The following SNX18 variants were observed in gnomAD, a reference collection of about 807,000 sequenced individuals.
The protein encoded by SNX18 is sorting nexin 18.
SNX18 carries 35 observed loss-of-function variants against 48.7 expected under a neutral mutation model. That is an observed-to-expected ratio of 0.72 (90% confidence interval 0.55 to 0.95). The LOEUF (loss-of-function observed/expected upper bound fraction) is 0.95, where lower values mean the gene tolerates loss of function less well. SNX18 is among the 40% of genes least tolerant of loss of function. SNX18 has a pLI of 0.00. For missense variants in SNX18, 824 were observed against 871.0 expected (o/e 0.95, Z 0.68); for synonymous variants, 492 against 384.7 (o/e 1.28, Z -3.26).
chr5:54,585,633 G>A, the SNX18 span, among the ~76,000 whole-genome samples: 1 of 152,108 alleles, frequency 6.6e-6, no homozygotes, highest in Non-Finnish European at 1.5e-5. Flanking sequence ...AAATTGTACA[G>A]TAAGGTGGTG....
chr5:54,523,066 A>G (rs932828722), intron 1 of SNX18, among the ~76,000 whole-genome samples: 7 of 152,202 alleles, frequency 4.6e-5, no homozygotes, highest in African/African-American at 1.4e-4. Context: ...TTGACCTAAT[A>G]GGAGTCCTTT....
chr5:54,591,204 C>T, the SNX18 span, among the ~76,000 whole-genome samples: 2 of 151,528 alleles, frequency 1.3e-5, no homozygotes, highest in East Asian at 1.9e-4. Context: ...TTTTGAGACA[C>T]GCTTTTGTTC....
chr5:54,540,269 G>A (rs1449146642), intron 1 of SNX18, among the ~76,000 whole-genome samples: 1 of 151,766 alleles, frequency 6.6e-6, no homozygotes, highest in African/African-American at 2.4e-5. Flanking sequence ...GGCTGGAGGT[G>A]CAGTGCTGTG....
At chr5:54,578,216 C>T in the SNX18 span, among the ~76,000 whole-genome samples, 2 of 152,228 alleles carry the variant, frequency 1.3e-5, no homozygotes, top group Admixed American at 1.3e-4. Flanking sequence ...CCACTTACAA[C>T]GTGATCCATC....
downstream of SNX18, among the ~76,000 whole-genome samples, chr5:54,551,367 CA>C (rs2111641406): frequency 6.6e-6 from 1 of 152,276 alleles, no homozygotes; most frequent in Non-Finnish European, 1.5e-5. Flanking sequence ...TCTTCTGAAC[CA>C]AAAATCCTTC....
the SNX18 span, among the ~76,000 whole-genome samples, chr5:54,615,315 A>G: frequency 6.6e-6 from 1 of 152,174 alleles, no homozygotes; most frequent in Non-Finnish European, 1.5e-5. Context: ...CTCCTCTCTC[A>G]CATGCCTGTA....
chr5:54,625,772 C>A, the SNX18 span, among the ~76,000 whole-genome samples: 8 of 152,228 alleles, frequency 5.3e-5, no homozygotes, highest in South Asian at 1.7e-3. Flanking sequence ...CAGTCATTGG[C>A]TCATGGATAG....
chr5:54,541,077 G>C (rs1033551039), intron 1 of SNX18, among the ~76,000 whole-genome samples: 13 of 151,788 alleles, frequency 8.6e-5, no homozygotes, highest in African/African-American at 3.1e-4. Context: ...GCCCAGGCTG[G>C]AGTACGGTGG....
the SNX18 span, among the ~76,000 whole-genome samples, chr5:54,597,565 T>G: frequency 6.6e-6 from 1 of 152,078 alleles, no homozygotes; most frequent in African/African-American, 2.4e-5. Flanking sequence ...ACAATCAAAT[T>G]AGAACTCAAA....
chr5:54,632,388 A>G, the SNX18 span, among the ~76,000 whole-genome samples: 4 of 152,214 alleles, frequency 2.6e-5, no homozygotes, highest in South Asian at 8.3e-4. Context: ...GACTGCCCAC[A>G]TTGAGCTGTT....
the SNX18 span, among the ~76,000 whole-genome samples, chr5:54,580,856 C>A: frequency 6.6e-6 from 1 of 152,194 alleles, no homozygotes; most frequent in Admixed American, 6.5e-5. Flanking sequence ...TGTTACATGT[C>A]ATAGTAGTAG....
At chr5:54,520,162 T>C (rs1399918079) in intron 1 of SNX18, 1 of 264,462 alleles carries the variant, frequency 3.8e-6, no homozygotes, top group African/African-American at 2.2e-5. Context: ...CATTTTGAGT[T>C]TGAAATCTAT....
the SNX18 span, among the ~76,000 whole-genome samples, chr5:54,618,983 A>G: frequency 9.1e-6 from 1 of 110,200 alleles, no homozygotes; most frequent in Non-Finnish European, 1.9e-5. Flanking sequence ...TAAAAAAGCA[A>G]AACAAAACAA....
the SNX18 span, among the ~76,000 whole-genome samples, chr5:54,646,673 T>C: frequency 1.3e-5 from 2 of 152,182 alleles, no homozygotes; most frequent in Non-Finnish European, 2.9e-5. Flanking sequence ...ACTCCCCAAA[T>C]CTTGGTTGCC....
chr5:54,631,527 C>A, the SNX18 span, among the ~76,000 whole-genome samples: 1 of 152,192 alleles, frequency 6.6e-6, no homozygotes, highest in Non-Finnish European at 1.5e-5. Context: ...CTCCTCTATA[C>A]CAAGCTGTTA....
chr5:54,550,513 G>T (rs949318432), downstream of SNX18, among the ~76,000 whole-genome samples: 8 of 152,138 alleles, frequency 5.3e-5, no homozygotes, highest in Non-Finnish European at 1.2e-4. Context: ...ATGAAAAAAA[G>T]AGGCAGAGAA....
chr5:54,555,193 C>A, the SNX18 span, among the ~76,000 whole-genome samples: 1 of 152,212 alleles, frequency 6.6e-6, no homozygotes, highest in Admixed American at 6.5e-5. Context: ...TGTCCCTGTC[C>A]CATCTTCCCA....
At chr5:54,634,332 A>G in the SNX18 span, among the ~76,000 whole-genome samples, 10 of 152,200 alleles carry the variant, frequency 6.6e-5, no homozygotes, top group East Asian at 1.5e-3. Flanking sequence ...GGACCATGAC[A>G]CAGAACTGAT....
At chr5:54,613,490 C>A in the SNX18 span, among the ~76,000 whole-genome samples, 1 of 152,062 alleles carries the variant, frequency 6.6e-6, no homozygotes, top group South Asian at 2.1e-4. Context: ...GCCTCTTCAC[C>A]CTCATGACCT....
Sources: allele counts gnomAD v4.1 joint callset (sites outside exome capture counted in the v4.1 genomes callset), GRCh38; gene constraint gnomAD v4.1.1; transcripts MANE v1.5; gene names NCBI Gene and HGNC (gene_info 2026-07-23, HGNC 2026-07-21).